The following TP53BP1 variants were observed in gnomAD, a reference collection of about 807,000 sequenced individuals.
TP53BP1 encodes the protein TP53-binding protein 1.
In TP53BP1, 61 loss-of-function variants were observed where a neutral mutation model predicts 200.8. The ratio of observed to expected loss-of-function variants is 0.30; its 90% CI spans 0.25 to 0.38. TP53BP1 has a LOEUF of 0.38. Ranked by LOEUF, TP53BP1 falls within the 10% of genes least tolerant of loss-of-function variation. The pLI, the probability that TP53BP1 is intolerant of heterozygous loss-of-function variation, is 1.00. For synonymous variants in TP53BP1, 822 were observed against 844.3 expected (o/e 0.97, Z 0.46); for missense variants, 2,144 against 2,371.9 (o/e 0.90, Z 2.00).
chr15:43,472,321 ACT>A (rs1435850426), intron 10 of TP53BP1, among the ~76,000 whole-genome samples: 1 of 152,240 alleles, frequency 6.6e-6, no homozygotes, highest in East Asian at 1.9e-4. Flanking sequence ...AATAAATAAA[ACT>A]ATTATACCAT....
intron 4 of TP53BP1, among the ~76,000 whole-genome samples, chr15:43,483,257 C>CACACACACAG (rs1049675720): frequency 3.3e-5 from 5 of 150,600 alleles, no homozygotes; most frequent in Admixed American, 2.0e-4. Flanking sequence ...CACACACACA[C>CACACACACAG]ACACACACAC....
At position 43,456,704 on chromosome 15, in the gene TP53BP1, G is replaced by A; in HGVS notation, c.1904C>T (p.Ser635Leu). The change falls in exon 12 of 28, where the codon TCA becomes TTA. Residue 635 changes from serine (S) to leucine (L), a missense_variant. Transcript: ENST00000382044. ...AAGTGCCTCAGATCGAGTAGCTGGT[G>A]ACGGAACTGCCTGACTCCCCGAATC... ...TCDSGSQAVP[S>L]PATRSEALSS... is the part of the protein sequence containing the mutation. 1.2e-6 allele frequency: 2 copies of A among 1,614,138 alleles called. No individual in the cohort carries two copies. The highest frequency in any genetic ancestry group is 1.3e-5 in the African/African-American group (1 of 75,042).
At chr15:43,494,124 T>C (rs1330867923), upstream of TP53BP1, among the ~76,000 whole-genome samples, 3 of 152,314 alleles carry the variant, frequency 2.0e-5, no homozygotes, top group East Asian at 3.9e-4. Flanking sequence ...TAAGTGGCAG[T>C]TGGATCCAGG....
intron 11 of TP53BP1, among the ~76,000 whole-genome samples, chr15:43,469,257 A>T (rs1466324277): frequency 2.0e-5 from 3 of 152,192 alleles, no homozygotes; most frequent in Non-Finnish European, 4.4e-5. Context: ...GAAAATACAC[A>T]TTGGAAAACT....
chr15:43,491,572 G>C, intron 4 of TP53BP1, 97 bp downstream of exon 4: 2 of 909,394 alleles, frequency 2.2e-6, no homozygotes, highest in Non-Finnish European at 3.7e-6. Context: ...CCACAAGAAA[G>C]AGATTAATCC....
rs759640724 is a variant in TP53BP1, at chr15:43,405,266, A to G, written c.*2117T>C. The G allele has an allele frequency of 1.9e-6, 3 of 1,602,164 alleles. No homozygotes were observed. Among genetic ancestry groups the G allele is most frequent in the Non-Finnish European group, 2.6e-6 (3 of 1,169,258 alleles). ...ACAGCCACGTTCCCAAGGTTGTAAC[A>G]GAAGATTCAAAACATCCCATTCTAG... On this transcript the variant is annotated 3_prime_UTR_variant, in exon 28 of 28. Coordinates refer to ENST00000382044, the MANE Select transcript of TP53BP1 (RefSeq NM_001141980.3).
At chr15:43,429,831 A>C (rs1424239194) in intron 17 of TP53BP1, among the ~76,000 whole-genome samples, 1 of 152,228 alleles carries the variant, frequency 6.6e-6, no homozygotes. Context: ...ATGCATGAGA[A>C]CTATGACAGC....
rs1178667859 is a variant in TP53BP1 at position 43,421,844 on chromosome 15, C to T, written c.4100+11G>A. ...GCTGTGGCTCTCTCTCTCTGGAGAC[C>T]CTGTCTGCACCTCAGTTTTCCTGGG... On this transcript the variant is annotated intron_variant, in intron 19 of 27. Transcript: ENST00000382044. 1.2e-6 allele frequency: 2 copies of T among 1,613,824 alleles called. No individual in the cohort carries two copies. The highest frequency in any genetic ancestry group is 1.7e-6 in the Non-Finnish European group (2 of 1,179,938).
At chr15:43,453,278 T>A (rs1248103452) in intron 12 of TP53BP1, among the ~76,000 whole-genome samples, 1 of 150,844 alleles carries the variant, frequency 6.6e-6, no homozygotes, top group East Asian at 1.9e-4. Context: ...TTGGCACAGG[T>A]CATTAGCAGT....
intron 16 of TP53BP1, among the ~76,000 whole-genome samples, chr15:43,438,115 C>T (rs887141374): frequency 2.0e-5 from 3 of 152,228 alleles, no homozygotes; most frequent in Non-Finnish European, 2.9e-5. Context: ...AGTGCCCCCA[C>T]GACCTAATTA....
In TP53BP1 at chr15:43,416,420, G is replaced by T. The variant is rs776443351; in HGVS notation, c.4682-4C>A. ...TTCCTATGTCCTTTCACCACTCCTG[G>T]GGGGTGGAAAGCATAAAAGAAGCTT... On this transcript the variant is annotated splice_polypyrimidine_tract_variant and splice_region_variant and intron_variant, in intron 21 of 27. Transcript: ENST00000382044. The T allele has an allele frequency of 6.2e-6, 10 of 1,612,922 alleles. No homozygotes were observed. The East Asian group carries it at 1.1e-4, about 18-fold the overall frequency.
chr15:43,492,882 C>G (rs2079147736), intron 1 of TP53BP1, among the ~76,000 whole-genome samples, 155 bp downstream of exon 1: 1 of 151,666 alleles, frequency 6.6e-6, no homozygotes, highest in Non-Finnish European at 1.5e-5. Flanking sequence ...GCCTTCTTAG[C>G]TAACGTTTCC....
chr15:43,433,787 C>T (rs2045727104), intron 16 of TP53BP1, among the ~76,000 whole-genome samples: 1 of 152,112 alleles, frequency 6.6e-6, no homozygotes, highest in Admixed American at 6.5e-5. Context: ...CAGAAGGTAA[C>T]ATGAAGGACG....
chr15:43,431,645 C>T (rs557135871), intron 17 of TP53BP1, among the ~76,000 whole-genome samples: 1 of 152,338 alleles, frequency 6.6e-6, no homozygotes, highest in Admixed American at 6.5e-5. Flanking sequence ...CTTTTCTTCA[C>T]ATTAGCTTCT....
At chr15:43,457,287 G>T (rs575668551) in intron 11 of TP53BP1, 69 bp from the exon 12 acceptor site, 3 of 1,293,690 alleles carry the variant, frequency 2.3e-6, no homozygotes, top group East Asian at 2.6e-5. Flanking sequence ...TCGAATCCTT[G>T]GATTCATATA....
Position 43,469,960 on chromosome 15 carries a change from A to C in TP53BP1, c.1287T>G (p.Pro429=). 6.2e-7 allele frequency: 1 copy of C among 1,614,050 alleles called. No homozygotes were observed. The highest frequency in any genetic ancestry group is 1.7e-4 in the Middle Eastern group (1 of 5,998). ...PVELENPPLL[P]ESTVSPQAST... is the part of the protein sequence containing the mutation. ...AGGCTTGTGGTGATACAGTGGACTC[A>C]GGCAGGAGAGGGGGGTTTTCTAACT... Residue 429 remains proline, a synonymous_variant, in exon 11 of 28, where the codon CCT becomes CCG. Transcript: ENST00000382044.
chr15:43,474,903 C>A, intron 9 of TP53BP1, 136 bp from the exon 10 acceptor site: 1 of 563,338 alleles, frequency 1.8e-6, no homozygotes, highest in South Asian at 2.5e-5. Context: ...TCCCCAACAG[C>A]AACCTGAGGC....
chr15:43,408,862 G>C (rs776544530), intron 26 of TP53BP1, 35 bp downstream of exon 26: 45 of 1,603,190 alleles, frequency 2.8e-5, no homozygotes, highest in Non-Finnish European at 3.8e-5. Context: ...CTGTCCTCCT[G>C]CCTATACAAT....
At position 43,403,480 on chromosome 15, in the gene TP53BP1, T is replaced by TA. The variant is rs1301514928; in HGVS notation, c.*3902dup. On this transcript the variant is annotated 3_prime_UTR_variant, in exon 28 of 28. Transcript: ENST00000382044. ...CAGGGCTAAGAGAGTAATACTCGCT[T>TA]AGCCAGGAAAGGATGCATTTGTTTT... 1.9e-6 allele frequency: 1 copy of TA among 525,880 alleles called. No individual in the cohort carries two copies. Among genetic ancestry groups the TA allele is most frequent in the Non-Finnish European group, 3.4e-6 (1 of 292,414 alleles). 32.6% of individuals were successfully genotyped at this position (525,880 alleles called of 1,614,324 possible).
Sources: gnomAD v4.1 joint callset for allele counts (sites outside exome capture counted in the v4.1 genomes callset) on GRCh38, gnomAD v4.1.1 for gene constraint, MANE v1.5 for transcripts, NCBI Gene and HGNC (gene_info 2026-07-23, HGNC 2026-07-21) for gene names.